Variants in PREX2 observed in about 807,000 individuals in gnomAD.
The protein encoded by PREX2 is phosphatidylinositol 3,4,5-trisphosphate-dependent Rac exchanger 2 protein.
Under a neutral mutation model 203.2 loss-of-function variants are expected in PREX2, and 107 were observed. That is an observed-to-expected ratio of 0.53 (90% CI 0.45 to 0.62). The LOEUF (loss-of-function observed/expected upper bound fraction) is 0.62. PREX2 is among the 20% of genes least tolerant of loss of function. The probability of loss-of-function intolerance (pLI) is 0.00; values close to 1 mark genes in which losing one functional copy is unlikely to be tolerated. For missense variants in PREX2, 1,777 were observed against 1,955.9 expected (o/e 0.91, Z 1.72); for synonymous variants, 672 against 663.6 (o/e 1.01, Z -0.19).
intron 35 of PREX2, among the ~76,000 whole-genome samples, chr8:68,188,610 T>C (rs999093086): frequency 6.6e-6 from 1 of 152,196 alleles, no homozygotes; most frequent in Non-Finnish European, 1.5e-5. Flanking sequence ...TGGGGAGGCC[T>C]CACAATCATG....
At chr8:68,217,958 A>ACCATTCTGAGGTGCT (rs60806828) in intron 38 of PREX2, among the ~76,000 whole-genome samples, 1 of 152,224 alleles carries the variant, frequency 6.6e-6, no homozygotes. Flanking sequence ...ATCTGCAGGC[A>ACCATTCTGAGGTGCT]GAAAGGGACT....
At chr8:68,115,718 G>C in intron 25 of PREX2, 35 bp from the exon 26 acceptor site, 1 of 1,525,218 alleles carries the variant, frequency 6.6e-7, no homozygotes. Context: ...CAGACAGTTT[G>C]AAAATGTGCA....
chr8:68,035,571 G>A (rs972310468), intron 6 of PREX2, among the ~76,000 whole-genome samples: 5 of 131,410 alleles, frequency 3.8e-5, no homozygotes, highest in African/African-American at 1.8e-4. Context: ...TCAGCAGCAT[G>A]GTGGGTGTTC....
chr8:68,073,598 T>C (rs1188007915), intron 14 of PREX2, among the ~76,000 whole-genome samples: 2 of 152,192 alleles, frequency 1.3e-5, no homozygotes, highest in East Asian at 3.9e-4. Context: ...ATTTATTACA[T>C]TTAGAAGTTT....
At chr8:68,195,121 T>A (rs1028085988) in intron 37 of PREX2, among the ~76,000 whole-genome samples, 6 of 152,230 alleles carry the variant, frequency 3.9e-5, no homozygotes, top group Admixed American at 3.3e-4. Context: ...AAATCTGCCA[T>A]TTAACCCTAG....
chr8:68,214,439 C>G (rs973572346), intron 37 of PREX2, among the ~76,000 whole-genome samples: 1 of 152,128 alleles, frequency 6.6e-6, no homozygotes, highest in African/African-American at 2.4e-5. Flanking sequence ...GGGTTCCTGG[C>G]CTTTAATATG....
intron 35 of PREX2, among the ~76,000 whole-genome samples, chr8:68,189,415 A>G (rs996424257): frequency 6.6e-6 from 1 of 152,064 alleles, no homozygotes; most frequent in African/African-American, 2.4e-5. Flanking sequence ...CTCCTGCCCC[A>G]TTGCATGTTC....
intron 23 of PREX2, among the ~76,000 whole-genome samples, chr8:68,104,546 T>A (rs1462611568): frequency 3.9e-5 from 6 of 152,216 alleles, no homozygotes; most frequent in Non-Finnish European, 8.8e-5. Flanking sequence ...CAGTGAGGCC[T>A]GTTCTGATCA....
chr8:68,031,963 A>G (rs1563509554), intron 6 of PREX2, among the ~76,000 whole-genome samples: 1 of 152,196 alleles, frequency 6.6e-6, no homozygotes, highest in Non-Finnish European at 1.5e-5. Context: ...CTCTAGGGAA[A>G]TGGAATCTGT....
At chr8:68,095,500 A>AATAC (rs372847646) in intron 21 of PREX2, among the ~76,000 whole-genome samples, 3,274 of 77,942 alleles carry the variant, frequency 0.042, 47 homozygotes, top group Non-Finnish European at 0.056. Context: ...AACGGGGCCA[A>AATAC]ATACATACAT....
chr8:68,027,136 C>G, intron 4 of PREX2, 86 bp from the exon 5 acceptor site: 2 of 924,202 alleles, frequency 2.2e-6, no homozygotes, highest in Non-Finnish European at 1.8e-6. Flanking sequence ...TATGCTTTCA[C>G]TAGTTTTTAG....
intron 15 of PREX2, among the ~76,000 whole-genome samples, chr8:68,078,432 G>A (rs1809413935): frequency 6.6e-6 from 1 of 152,038 alleles, no homozygotes; most frequent in African/African-American, 2.4e-5. Context: ...CAAAGTGCTG[G>A]GATTATAGGC....
At chr8:68,136,346 G>T (rs1030414510) in intron 32 of PREX2, among the ~76,000 whole-genome samples, 2 of 152,068 alleles carry the variant, frequency 1.3e-5, no homozygotes, top group African/African-American at 4.8e-5. Context: ...GCTAAGGAAA[G>T]AAAAATTCAA....
At chr8:67,964,729 A>T (rs1284589475) in intron 1 of PREX2, among the ~76,000 whole-genome samples, 1 of 152,148 alleles carries the variant, frequency 6.6e-6, no homozygotes, top group Non-Finnish European at 1.5e-5. Context: ...AAAAATTCCA[A>T]GATAATATGG....
At chr8:68,099,417 G>T (rs1356589398) in intron 22 of PREX2, among the ~76,000 whole-genome samples, 1 of 152,046 alleles carries the variant, frequency 6.6e-6, no homozygotes, top group Non-Finnish European at 1.5e-5. Context: ...CACCAAGCAG[G>T]CTCCTATAGT....
chr8:67,979,335 C>T (rs749481722), intron 1 of PREX2, among the ~76,000 whole-genome samples: 1 of 152,268 alleles, frequency 6.6e-6, no homozygotes, highest in South Asian at 2.1e-4. Context: ...ACTAAAATTA[C>T]ATTTTCTTCA....
At chr8:68,216,133 T>G (rs1812834010) in intron 37 of PREX2, among the ~76,000 whole-genome samples, 1 of 152,280 alleles carries the variant, frequency 6.6e-6, no homozygotes, top group African/African-American at 2.4e-5. Context: ...AGTTGCACTT[T>G]GTGAGGTTCT....
At chr8:68,165,752 A>C (rs1159813516) in intron 35 of PREX2, among the ~76,000 whole-genome samples, 2 of 152,154 alleles carry the variant, frequency 1.3e-5, no homozygotes, top group Non-Finnish European at 2.9e-5. Context: ...ATTGTGCACA[A>C]AAATAAATTA....
intron 35 of PREX2, among the ~76,000 whole-genome samples, chr8:68,184,742 G>A (rs1321386141): frequency 6.6e-6 from 1 of 152,064 alleles, no homozygotes; most frequent in Non-Finnish European, 1.5e-5. Flanking sequence ...CCTCCATCAT[G>A]CCAAGAAACG....
Sources: allele counts gnomAD v4.1 joint callset (sites outside exome capture counted in the v4.1 genomes callset), GRCh38; gene constraint gnomAD v4.1.1; transcripts MANE v1.5; gene names NCBI Gene and HGNC (gene_info 2026-07-23, HGNC 2026-07-21).